Variants in TOP6BL observed in about 807,000 individuals in gnomAD.
The protein encoded by TOP6BL is TOP6B like initiator of meiotic double strand breaks.
chr11:66,824,932 C>T, the TOP6BL span, among the ~76,000 whole-genome samples: 1 of 152,018 alleles, frequency 6.6e-6, no homozygotes, highest in South Asian at 2.1e-4. Context: ...TTTATAGCAG[C>T]ATGATTTATA....
At chr11:66,802,444 C>T in the TOP6BL span, among the ~76,000 whole-genome samples, 6 of 152,064 alleles carry the variant, frequency 3.9e-5, no homozygotes, top group Non-Finnish European at 7.4e-5. Context: ...TGAGCCACTG[C>T]GCCCAGCCCA....
At chr11:66,775,396 G>A in the TOP6BL span, among the ~76,000 whole-genome samples, 3 of 152,270 alleles carry the variant, frequency 2.0e-5, no homozygotes, top group Non-Finnish European at 4.4e-5. Context: ...CATTTTGCCA[G>A]GTGTTATTAT....
chr11:66,806,609 A>T, the TOP6BL span, among the ~76,000 whole-genome samples: 1 of 152,156 alleles, frequency 6.6e-6, no homozygotes, highest in East Asian at 1.9e-4. Flanking sequence ...CTCTATTAAA[A>T]ATACAAAAAT....
chr11:66,842,465 A>G, the TOP6BL span, among the ~76,000 whole-genome samples: 1 of 152,222 alleles, frequency 6.6e-6, no homozygotes, highest in Non-Finnish European at 1.5e-5. Context: ...GGCACTGCTC[A>G]ATGCAACGTG....
At chr11:66,826,498 A>C in the TOP6BL span, among the ~76,000 whole-genome samples, 2 of 152,164 alleles carry the variant, frequency 1.3e-5, no homozygotes, top group Non-Finnish European at 1.5e-5. Flanking sequence ...TATGAGTCAA[A>C]GTGTATAACA....
chr11:66,747,625 A>G, the TOP6BL span, among the ~76,000 whole-genome samples: 1 of 152,248 alleles, frequency 6.6e-6, no homozygotes, highest in Non-Finnish European at 1.5e-5. Flanking sequence ...GCCCAAGGTC[A>G]CATGCTAGAA....
the TOP6BL span, among the ~76,000 whole-genome samples, chr11:66,814,593 T>G: frequency 6.6e-6 from 1 of 152,094 alleles, no homozygotes; most frequent in Admixed American, 6.6e-5. Flanking sequence ...GGTTCTCCTC[T>G]TACTTCCTCT....
the TOP6BL span, among the ~76,000 whole-genome samples, chr11:66,827,275 C>A: frequency 2.6e-5 from 4 of 152,220 alleles, no homozygotes; most frequent in East Asian, 7.7e-4. Context: ...GTGTCAAACT[C>A]CCGACCTCAG....
the TOP6BL span, chr11:66,761,681 AC>A: frequency 1.0e-6 from 1 of 971,130 alleles, no homozygotes; most frequent in South Asian, 1.4e-5. Context: ...AATGTTGTCC[AC>A]CCCTTGGTCC....
At chr11:66,796,383 C>T in the TOP6BL span, 6 of 1,564,100 alleles carry the variant, frequency 3.8e-6, no homozygotes, top group Admixed American at 1.0e-4. Context: ...TTCCTTTGTA[C>T]AATAATGATT....
chr11:66,830,827 T>C, the TOP6BL span, among the ~76,000 whole-genome samples: 2 of 152,338 alleles, frequency 1.3e-5, no homozygotes, highest in Admixed American at 6.5e-5. Flanking sequence ...AGTACCCCTA[T>C]ATACCTGATA....
chr11:66,761,749 T>C, the TOP6BL span: 7 of 780,850 alleles, frequency 9.0e-6, no homozygotes, highest in Non-Finnish European at 1.6e-5. Flanking sequence ...CTGTGTTGAG[T>C]GTATAGTTAG....
the TOP6BL span, among the ~76,000 whole-genome samples, chr11:66,837,185 GGTGTGATCTTGGCTCACT>G: frequency 2.0e-5 from 3 of 152,004 alleles, no homozygotes; most frequent in African/African-American, 7.3e-5. Flanking sequence ...GGAGTGCAGT[GGTGTGATCTTGGCTCACT>G]GCAAGCTCTG....
the TOP6BL span, among the ~76,000 whole-genome samples, chr11:66,779,882 CCAT>C: frequency 6.6e-6 from 1 of 151,796 alleles, no homozygotes; most frequent in Admixed American, 6.6e-5. Flanking sequence ...AAGCTGGAAA[CCAT>C]CATTCTCAGC....
At chr11:66,843,081 AG>A in the TOP6BL span, 353 of 1,581,910 alleles carry the variant, frequency 2.2e-4, 3 homozygotes, top group African/African-American at 3.9e-3. Context: ...TAACTGGGCG[AG>A]GGCCGCGCAG....
chr11:66,802,469 A>T, the TOP6BL span, among the ~76,000 whole-genome samples: 5 of 152,104 alleles, frequency 3.3e-5, no homozygotes, highest in South Asian at 4.2e-4. Context: ...CTGCTAATTT[A>T]AAAAAAATTT....
the TOP6BL span, chr11:66,759,109 C>T: frequency 8.0e-6 from 12 of 1,503,804 alleles, no homozygotes; most frequent in Non-Finnish European, 1.1e-5. Flanking sequence ...AAAGAATTAC[C>T]TAACTTCCAT....
chr11:66,750,643 C>G, the TOP6BL span, among the ~76,000 whole-genome samples: 1 of 151,880 alleles, frequency 6.6e-6, no homozygotes, highest in African/African-American at 2.4e-5. Flanking sequence ...ACTTTTAACT[C>G]TGTTAATTGA....
chr11:66,810,769 C>T, the TOP6BL span, among the ~76,000 whole-genome samples: 1 of 152,168 alleles, frequency 6.6e-6, no homozygotes, highest in Non-Finnish European at 1.5e-5. Context: ...TTGCATGACT[C>T]AGCTTTCAGC....
Sources: gnomAD v4.1 joint callset for allele counts (sites outside exome capture counted in the v4.1 genomes callset) on GRCh38, gnomAD v4.1.1 for gene constraint, MANE v1.5 for transcripts, NCBI Gene and HGNC (gene_info 2026-07-23, HGNC 2026-07-21) for gene names.